APOLD1: variants seen among roughly 807,000 people sequenced by gnomAD.
APOLD1 encodes apolipoprotein L domain containing 1.
APOLD1 carries 22 observed loss-of-function variants against 15.3 expected under a neutral mutation model. The ratio of observed to expected loss-of-function variants is 1.44; its 90% confidence interval spans 1.03 to 2.05. APOLD1 has a LOEUF of 2.05. Ranked by LOEUF, APOLD1 falls within the 30% of genes most tolerant of loss-of-function variation. APOLD1 has a pLI of 0.00. For synonymous variants in APOLD1, 190 were observed against 167.4 expected (o/e 1.13, Z -1.04); for missense variants, 394 against 353.5 (o/e 1.11, Z -0.92).
At chr12:12,751,693 G>C (rs1946813510) in intron 1 of APOLD1, among the ~76,000 whole-genome samples, 1 of 152,200 alleles carries the variant, frequency 6.6e-6, no homozygotes, top group Non-Finnish European at 1.5e-5. Flanking sequence ...TTCTGTGATA[G>C]GCTGAATAAT....
chr12:12,764,615 T>C, intron 1 of APOLD1: 1 of 418,420 alleles, frequency 2.4e-6, no homozygotes, highest in Admixed American at 3.0e-5. Context: ...ATTTTCTATT[T>C]CTACTAGGTG....
intron 1 of APOLD1, among the ~76,000 whole-genome samples, chr12:12,727,676 C>G (rs913059783): frequency 6.6e-6 from 1 of 150,868 alleles, no homozygotes; most frequent in African/African-American, 2.4e-5. Flanking sequence ...GGTCATGTCT[C>G]ACTGCAACCT....
At chr12:12,754,548 G>C (rs11055047) in intron 1 of APOLD1, among the ~76,000 whole-genome samples, 127,288 of 151,784 alleles carry the variant, frequency 0.84, 54,282 homozygotes, top group East Asian at 1. Flanking sequence ...CTCCTGGGCT[G>C]AAGCGATTCT....
intron 1 of APOLD1, among the ~76,000 whole-genome samples, chr12:12,734,857 TCA>T (rs1264617442): frequency 6.6e-6 from 1 of 152,096 alleles, no homozygotes; most frequent in Non-Finnish European, 1.5e-5. Context: ...GGCTTCAAGG[TCA>T]CAAACAGGAG....
At chr12:12,763,113 G>C (rs1946913908) in intron 1 of APOLD1, among the ~76,000 whole-genome samples, 2 of 151,980 alleles carry the variant, frequency 1.3e-5, no homozygotes, top group African/African-American at 4.8e-5. Flanking sequence ...GACAGAGCAA[G>C]ACCCTGTCTC....
chr12:12,760,359 C>T (rs991203858), intron 1 of APOLD1, among the ~76,000 whole-genome samples: 2 of 150,244 alleles, frequency 1.3e-5, no homozygotes, highest in Admixed American at 6.7e-5. Flanking sequence ...AAACCTTGGC[C>T]GGGTGCAGTG....
upstream of APOLD1, among the ~76,000 whole-genome samples, chr12:12,782,282 C>G (rs1184187026): frequency 6.6e-6 from 1 of 151,698 alleles, no homozygotes; most frequent in Admixed American, 6.6e-5. Flanking sequence ...AACAAACAAA[C>G]AAACAAACAA....
chr12:12,730,540 G>T (rs1946630457), intron 1 of APOLD1, among the ~76,000 whole-genome samples: 1 of 151,656 alleles, frequency 6.6e-6, no homozygotes, highest in South Asian at 2.1e-4. Flanking sequence ...AATTAGCCGG[G>T]CGTGGTGGCA....
chr12:12,767,231 G>A (rs1208129733), intron 1 of APOLD1, among the ~76,000 whole-genome samples: 1 of 152,008 alleles, frequency 6.6e-6, no homozygotes, highest in Non-Finnish European at 1.5e-5. Context: ...GGGTGACAGA[G>A]CAAGATTCCG....
At chr12:12,732,734 A>G (rs1238753411) in intron 1 of APOLD1, among the ~76,000 whole-genome samples, 1 of 151,526 alleles carries the variant, frequency 6.6e-6, no homozygotes, top group Non-Finnish European at 1.5e-5. Flanking sequence ...TGTCTCAAAA[A>G]AAAAAAAAAA....
intron 1 of APOLD1, among the ~76,000 whole-genome samples, chr12:12,775,678 A>G (rs1274452475): frequency 6.6e-6 from 1 of 152,226 alleles, no homozygotes; most frequent in African/African-American, 2.4e-5. Context: ...GAGCAAATAG[A>G]GTTGAAAACT....
At chr12:12,762,859 A>G (rs1179808009) in intron 1 of APOLD1, among the ~76,000 whole-genome samples, 1 of 152,060 alleles carries the variant, frequency 6.6e-6, no homozygotes, top group Non-Finnish European at 1.5e-5. Context: ...TTTTGAAATC[A>G]ATTAGCCTGG....
At chr12:12,730,026 TTGTGTG>T (rs749843349) in intron 1 of APOLD1, among the ~76,000 whole-genome samples, 23,467 of 116,160 alleles carry the variant, frequency 0.2, 2,227 homozygotes, top group South Asian at 0.26. Context: ...CCAGCTAACT[TTGTGTG>T]TGTGTGTGTG....
upstream of APOLD1, among the ~76,000 whole-genome samples, chr12:12,782,543 T>C (rs530829913): frequency 3.9e-5 from 6 of 152,312 alleles, no homozygotes; most frequent in East Asian, 3.9e-4. Flanking sequence ...CAGTGACAAC[T>C]TGTCTCTACA....
chr12:12,786,945 C>T lies in APOLD1; in HGVS notation c.40C>T (p.Pro14Ser). Residue 14 changes from proline (P) to serine (S), a missense_variant, in exon 2 of 2, where the codon CCC becomes TCC. Physicochemically the swap from Pro to Ser is moderately conservative, Grantham distance 74 (BLOSUM62 -1). Coordinates refer to ENST00000356591, the MANE Select transcript of APOLD1 (RefSeq NM_030817.3). Reference protein sequence around the residue: ...ERPAAREPHGPDALRRFQGLL... With the variant: ...ERPAAREPHGSDALRRFQGLL... Reference sequence around the variant, plus strand: ...GCCGGCGGCCCGGGAGCCGCATGGGCCCGACGCGCTGCGGCGCTTCCAGGG... The same window carrying T: ...GCCGGCGGCCCGGGAGCCGCATGGGTCCGACGCGCTGCGGCGCTTCCAGGG... The T allele has an allele frequency of 6.9e-7, 1 of 1,459,840 alleles. No homozygotes were observed. The highest frequency in any genetic ancestry group is 1.3e-5 in the South Asian group (1 of 74,802). 90.4% of individuals were successfully genotyped at this position (1,459,840 alleles called of 1,614,324 possible).
chr12:12,751,888 G>C (rs765654931), intron 1 of APOLD1, among the ~76,000 whole-genome samples: 28 of 152,198 alleles, frequency 1.8e-4, no homozygotes, highest in Non-Finnish European at 4.0e-4. Context: ...AAAGTGATGT[G>C]ACGGCAGAAG....
In APOLD1 at chr12:12,763,799, T is replaced by C. The variant is rs555084839; in HGVS notation, c.97-23110T>C. ...CATCTCTAGATTACCTATAATACCT[T>C]ATATAATATGTGTTATATAAATGGT... On this transcript the variant is annotated intron_variant, in intron 1 of 1. Coordinates refer to the APOLD1 transcript ENST00000326765. Among the ~76,000 whole-genome samples the C allele has an allele frequency of 2.4e-4, 36 of 152,276 alleles. 1 individual carries two copies. The South Asian group carries it at 7.5e-3, about 32-fold the overall frequency.
intron 1 of APOLD1, among the ~76,000 whole-genome samples, chr12:12,745,645 T>G (rs1946760002): frequency 6.6e-6 from 1 of 152,136 alleles, no homozygotes; most frequent in Non-Finnish European, 1.5e-5. Flanking sequence ...GCGTGTAGTG[T>G]AACATTCTCT....
chr12:12,758,122 G>C lies in APOLD1; in HGVS notation c.97-28787G>C, dbSNP rs11055049. ...TTTCTTTTTTTTTTTAATTTTAGTA[G>C]AGACGGGGTTTCACTGTGTTAGCCA... On this transcript the variant is annotated intron_variant, in intron 1 of 1. Coordinates refer to the APOLD1 transcript ENST00000326765. Among the ~76,000 whole-genome samples the C allele has an allele frequency of 7.6e-5, 11 of 144,596 alleles. No individual in the cohort carries two copies. In the South Asian group the frequency reaches 2.4e-3, roughly 32 times the overall value. The allele number at this position is 144,596 out of a possible 152,430, so 94.9% of individuals were successfully genotyped here.
Sources: allele counts gnomAD v4.1 joint callset (sites outside exome capture counted in the v4.1 genomes callset), GRCh38; gene constraint gnomAD v4.1.1; transcripts MANE v1.5; gene names NCBI Gene and HGNC (gene_info 2026-07-23, HGNC 2026-07-21).